GPNMB: variants seen among roughly 807,000 people sequenced by gnomAD.
GPNMB encodes transmembrane glycoprotein NMB.
GPNMB carries 71 observed loss-of-function variants against 57.3 expected under a neutral mutation model. The ratio of observed to expected loss-of-function variants is 1.24; its 90% confidence interval spans 1.02 to 1.51. GPNMB has a LOEUF of 1.51. Ranked by LOEUF, GPNMB falls within the 40% of genes most tolerant of loss-of-function variation. The probability of loss-of-function intolerance (pLI) is 0.00; values close to 1 mark genes in which losing one functional copy is unlikely to be tolerated. For missense variants in GPNMB, 677 were observed against 691.9 expected (o/e 0.98, Z 0.24); for synonymous variants, 253 against 263.2 (o/e 0.96, Z 0.38).
At chr7:23,263,415 C>T (rs1416040578) in intron 6 of GPNMB, among the ~76,000 whole-genome samples, 1 of 151,860 alleles carries the variant, frequency 6.6e-6, no homozygotes, top group Non-Finnish European at 1.5e-5. Flanking sequence ...AGTTCGAGAC[C>T]AGCCTGGTCA....
rs1215076886 is a variant in GPNMB, at chr7:23,259,967, C to T, written c.542-13C>T. The T allele has an allele frequency of 1.9e-6, 3 of 1,612,848 alleles. No individual in the cohort carries two copies. The highest frequency in any genetic ancestry group is 1.3e-5 in the African/African-American group (1 of 75,010). ...AATGCAGCCAATAACTAAAAATTTC[C>T]ATCCTCCCAAAGGTCAGTATTTCCA... On this transcript the variant is annotated splice_polypyrimidine_tract_variant and intron_variant, in intron 4 of 10. Transcript: ENST00000258733.
At chr7:23,254,346 A>C (rs774089504) in intron 3 of GPNMB, 34 bp downstream of exon 3, 8 of 1,578,316 alleles carry the variant, frequency 5.1e-6, no homozygotes, top group Non-Finnish European at 6.1e-6. Context: ...ACTACTGGAG[A>C]CCCAGTTTCT....
chr7:23,249,747 T>C (rs1010839019), intron 1 of GPNMB, among the ~76,000 whole-genome samples: 9 of 152,210 alleles, frequency 5.9e-5, no homozygotes, highest in Admixed American at 2.0e-4. Context: ...TGGGCTATTA[T>C]GAATAAAGCT....
At chr7:23,250,446 C>G (rs1782635437) in intron 1 of GPNMB, among the ~76,000 whole-genome samples, 1 of 152,060 alleles carries the variant, frequency 6.6e-6, no homozygotes, top group East Asian at 1.9e-4. Context: ...TGTCCAAAAT[C>G]AAGCCAGGCA....
rs1199916511 is a variant in GPNMB at position 23,246,794 on chromosome 7, T to G, written c.-64T>G. On this transcript the variant is annotated 5_prime_UTR_variant, in exon 1 of 11. Transcript: ENST00000258733. Reference sequence around the variant, plus strand: ...GATGCCAGAAGAACACTGTTGCTCTTGGTGGACGGGCCCAGAGGAATTCAG... The same window carrying G: ...GATGCCAGAAGAACACTGTTGCTCTGGGTGGACGGGCCCAGAGGAATTCAG... 1 of 1,179,120 alleles carries G rather than the reference T, an allele frequency of 8.5e-7. No individual in the cohort carries two copies. Among genetic ancestry groups the G allele is most frequent in the South Asian group, 1.2e-5 (1 of 82,316 alleles). The allele number at this position is 1,179,120 out of a possible 1,614,324, so 73.0% of individuals were successfully genotyped here.
intron 1 of GPNMB, among the ~76,000 whole-genome samples, chr7:23,248,615 G>T (rs180711937): frequency 6.6e-6 from 1 of 152,256 alleles, no homozygotes; most frequent in Non-Finnish European, 1.5e-5. Flanking sequence ...AGGCAGCCCA[G>T]CCACCACCTC....
intron 6 of GPNMB, among the ~76,000 whole-genome samples, chr7:23,261,636 T>C (rs1344595957): frequency 2.0e-5 from 3 of 150,804 alleles, no homozygotes; most frequent in African/African-American, 7.3e-5. Context: ...TGTCGGGGGG[T>C]AGGGGTAGGG....
chr7:23,257,204 A>G, intron 4 of GPNMB, 139 bp downstream of exon 4: 1 of 767,256 alleles, frequency 1.3e-6, no homozygotes, highest in Non-Finnish European at 2.3e-6. Flanking sequence ...AGCATGAGTG[A>G]ACAGTGAGAG....
At chr7:23,269,913 CCTCT>C in intron 8 of GPNMB, 50 bp from the exon 9 acceptor site, 1 of 1,187,436 alleles carries the variant, frequency 8.4e-7, no homozygotes, top group South Asian at 1.3e-5. Context: ...ATCTGACCTT[CCTCT>C]CTCCCCTTCT....
intron 6 of GPNMB, chr7:23,266,071 C>G (rs1279103971): frequency 6.3e-6 from 1 of 158,396 alleles, no homozygotes; most frequent in African/African-American, 2.4e-5. Flanking sequence ...GCCTCAGCCT[C>G]CTGAGTAGCT....
chr7:23,251,987 C>A (rs1362747102), intron 1 of GPNMB, among the ~76,000 whole-genome samples: 1 of 152,124 alleles, frequency 6.6e-6, no homozygotes, highest in African/African-American at 2.4e-5. Context: ...CATGTGACCA[C>A]CAGACTGGTC....
chr7:23,265,967 GAGACGGAGTCTCGCTCTGTCAC>G (rs967491504), intron 6 of GPNMB, among the ~76,000 whole-genome samples: 1 of 150,176 alleles, frequency 6.7e-6, no homozygotes, highest in African/African-American at 2.5e-5. Flanking sequence ...ACCTTTTTTT[GAGACGGAGTCTCGCTCTGTCAC>G]CCAGGCTGGA....
At chr7:23,253,735 C>T (rs1053418168) in intron 2 of GPNMB, among the ~76,000 whole-genome samples, 1 of 152,184 alleles carries the variant, frequency 6.6e-6, no homozygotes, top group African/African-American at 2.4e-5. Flanking sequence ...ATTTAGCCAA[C>T]CTGGGAATGA....
intron 9 of GPNMB, among the ~76,000 whole-genome samples, chr7:23,271,667 G>A (rs57729861): frequency 6.6e-6 from 1 of 151,860 alleles, no homozygotes; most frequent in South Asian, 2.1e-4. Flanking sequence ...ATGGTGGTGG[G>A]CGCCTGTAGT....
rs990455176 is a variant in GPNMB, at chr7:23,247,073, T to G, written c.70+146T>G. 7.3e-6 allele frequency: 5 copies of G among 682,532 alleles called. No homozygotes were observed. In the African/African-American group the frequency reaches 8.8e-5, roughly 12 times the overall value. The allele number at this position is 682,532 out of a possible 1,614,324, so 42.3% of individuals were successfully genotyped here. A position where few individuals can be genotyped will look rare whatever the true frequency, so the allele number is the denominator to read the frequency against. ...CTCACTCATCTCTTCTTCTGCAAAC[T>G]GTTGGGAAGGCTGAAACTACAGCAA... On this transcript the variant is annotated intron_variant, in intron 1 of 10. Coordinates refer to ENST00000258733, the MANE Select transcript of GPNMB (RefSeq NM_002510.3).
intron 9 of GPNMB, chr7:23,273,280 GGACGTGAC>G: frequency 2.1e-6 from 1 of 468,370 alleles, no homozygotes; most frequent in South Asian, 2.9e-5. Flanking sequence ...GGTGTCTCCA[GGACGTGAC>G]ATCTCTCCCC....
chr7:23,260,224 G>C (rs1782883445), intron 5 of GPNMB, 86 bp downstream of exon 5: 11 of 1,424,476 alleles, frequency 7.7e-6, no homozygotes, highest in African/African-American at 1.4e-5. Context: ...CCAAGTGTTC[G>C]GGGTTAGGTT....
chr7:23,262,820 G>A (rs1277776769), intron 6 of GPNMB, among the ~76,000 whole-genome samples: 9 of 151,580 alleles, frequency 5.9e-5, no homozygotes, highest in South Asian at 2.1e-4. Flanking sequence ...GGGTTTCGCC[G>A]TGTTGCCCAG....
chr7:23,263,207 G>C (rs1490707904), intron 6 of GPNMB, among the ~76,000 whole-genome samples: 2 of 152,118 alleles, frequency 1.3e-5, no homozygotes, highest in Non-Finnish European at 2.9e-5. Flanking sequence ...AAACTAGCTT[G>C]TTTTTCTTAT....
Sources: allele counts gnomAD v4.1 joint callset (sites outside exome capture counted in the v4.1 genomes callset), GRCh38; gene constraint gnomAD v4.1.1; transcripts MANE v1.5; gene names NCBI Gene and HGNC (gene_info 2026-07-23, HGNC 2026-07-21).